The following ROBO1 variants were observed in gnomAD, a reference collection of about 807,000 sequenced individuals.
ROBO1 encodes roundabout guidance receptor 1.
In ROBO1, 149 loss-of-function variants were observed where a neutral mutation model predicts 195.9. That is an observed-to-expected ratio of 0.76 (90% confidence interval 0.67 to 0.87). ROBO1 has a LOEUF of 0.87. ROBO1 is among the 40% of genes least tolerant of loss of function. The pLI, the probability that ROBO1 is intolerant of heterozygous loss-of-function variation, is 0.00. For missense variants in ROBO1, 1,933 were observed against 2,068.3 expected (o/e 0.93, Z 1.27); for synonymous variants, 816 against 733.2 (o/e 1.11, Z -1.82).
chr3:79,327,030 A>T (rs2034241553), intron 2 of ROBO1, among the ~76,000 whole-genome samples: 1 of 152,162 alleles, frequency 6.6e-6, no homozygotes, highest in African/African-American at 2.4e-5. Context: ...TATGATGCTC[A>T]ATTGAGTTCA....
intron 3 of ROBO1, among the ~76,000 whole-genome samples, chr3:79,069,587 C>G (rs541773174): frequency 4.6e-5 from 7 of 151,998 alleles, no homozygotes; most frequent in African/African-American, 1.7e-4. Context: ...TAAAATTTGG[C>G]CTACGCCTAC....
At chr3:79,019,391 C>A in intron 3 of ROBO1, 1 of 986,084 alleles carries the variant, frequency 1.0e-6, no homozygotes, top group Non-Finnish European at 1.2e-6. Flanking sequence ...CCGCGGCTCA[C>A]CCCAGCTCCT....
intron 2 of ROBO1, among the ~76,000 whole-genome samples, chr3:79,143,539 CAT>C (rs1349722608): frequency 1.3e-5 from 2 of 152,026 alleles, no homozygotes; most frequent in African/African-American, 2.4e-5. Context: ...GCATCAATCA[CAT>C]GTGTATTTAA....
At chr3:79,496,387 C>CCTTTTTTTTTTTTTTTTTTTTTTTTTTTT (rs145186389) in intron 2 of ROBO1, among the ~76,000 whole-genome samples, 1 of 112,788 alleles carries the variant, frequency 8.9e-6, no homozygotes, top group Admixed American at 9.2e-5. Context: ...GCGCACCCAT[C>CCTTTTTTTTTTTTTTTTTTTTTTTTTTTT]TTTTTTTGAG....
intron 4 of ROBO1, among the ~76,000 whole-genome samples, chr3:78,883,264 A>G (rs945160245): frequency 6.6e-6 from 1 of 151,648 alleles, no homozygotes; most frequent in Non-Finnish European, 1.5e-5. Context: ...AAAGTTATGT[A>G]GGTGGCACAG....
chr3:79,397,218 GTATA>G (rs758086563), intron 2 of ROBO1, among the ~76,000 whole-genome samples: 1 of 150,262 alleles, frequency 6.7e-6, no homozygotes, highest in African/African-American at 2.4e-5. Context: ...AAATTAATAA[GTATA>G]TATATACACT....
chr3:79,056,109 G>A (rs2078802647), intron 3 of ROBO1, among the ~76,000 whole-genome samples: 2 of 152,074 alleles, frequency 1.3e-5, no homozygotes, highest in Non-Finnish European at 2.9e-5. Context: ...GCCTCTCATA[G>A]TTATTGATCT....
intron 2 of ROBO1, among the ~76,000 whole-genome samples, chr3:79,220,679 T>C (rs1016322248): frequency 1.3e-5 from 2 of 151,972 alleles, no homozygotes; most frequent in African/African-American, 4.8e-5. Flanking sequence ...TGGGTGACTG[T>C]GTATCTTCAG....
intron 4 of ROBO1, among the ~76,000 whole-genome samples, chr3:78,846,678 T>C (rs2106811289): frequency 6.6e-6 from 1 of 152,278 alleles, no homozygotes; most frequent in African/African-American, 2.4e-5. Context: ...TTTTTTATAA[T>C]TGGTCTATAT....
In ROBO1 at chr3:79,518,952, T is replaced by C. The variant is rs188295269; in HGVS notation, c.88+70872A>G. ...GCCTCAGCCTCCCAAAGTCCTGGGATTACAGGTGTGAGCCATCACGCCTGG... is the reference window on the plus strand; with the variant it reads ...GCCTCAGCCTCCCAAAGTCCTGGGACTACAGGTGTGAGCCATCACGCCTGG... On this transcript the variant is annotated intron_variant, in intron 2 of 30. Coordinates refer to ENST00000464233, the MANE Select transcript of ROBO1 (RefSeq NM_002941.4). Among the ~76,000 whole-genome samples the C allele has an allele frequency of 2.6e-3, 390 of 152,176 alleles. 2 individuals carry two copies. The highest frequency in any genetic ancestry group is 4.6e-3 in the Non-Finnish European group (312 of 67,992).
intron 19 of ROBO1, among the ~76,000 whole-genome samples, chr3:78,649,446 G>T (rs185857049): frequency 6.6e-6 from 1 of 152,112 alleles, no homozygotes; most frequent in African/African-American, 2.4e-5. Context: ...GGTACCCAGC[G>T]AACTGGCAGA....
chr3:78,603,393 G>A (rs1703287778), intron 29 of ROBO1, among the ~76,000 whole-genome samples: 1 of 151,956 alleles, frequency 6.6e-6, no homozygotes, highest in African/African-American at 2.4e-5. Context: ...GGACTCTCAA[G>A]TATCATGGCA....
intron 1 of ROBO1, among the ~76,000 whole-genome samples, chr3:79,678,294 T>C (rs1284304607): frequency 8.6e-6 from 1 of 116,934 alleles, no homozygotes; most frequent in Non-Finnish European, 2.0e-5. Context: ...TATAAATCAC[T>C]ATATATATAT....
chr3:79,055,800 G>A lies in ROBO1; in HGVS notation c.172+69656C>T, dbSNP rs375485082. ...TAGGTTACCCTTTTTAATGGCGGCC[G>A]CTGCCATGCCTCCTGATCATATCCC... On this transcript the variant is annotated intron_variant, in intron 3 of 30. Coordinates refer to ENST00000464233, the MANE Select transcript of ROBO1 (RefSeq NM_002941.4). Among the ~76,000 whole-genome samples the A allele has an allele frequency of 4.3e-4, 65 of 152,168 alleles. 1 individual carries two copies. Among genetic ancestry groups the A allele is most frequent in the East Asian group, 3.7e-3 (19 of 5,140 alleles).
chr3:79,633,245 G>A lies in ROBO1; in HGVS notation c.-50-43284C>T, dbSNP rs543776138. 6.0e-5 allele frequency among the ~76,000 whole-genome samples: 9 copies of A among 150,120 alleles called. No homozygotes were observed. The South Asian group carries it at 1.1e-3, about 18-fold the overall frequency. On this transcript the variant is annotated intron_variant, in intron 1 of 30. Coordinates refer to ENST00000464233, the MANE Select transcript of ROBO1 (RefSeq NM_002941.4). ...AGGCTGGAGTGCAGTACATGATCAC[G>A]GTTCCCCAGTCTCAACCTCTTGGGC...
intron 5 of ROBO1, among the ~76,000 whole-genome samples, chr3:78,721,416 GTTTC>G (rs990339909): frequency 4.6e-5 from 7 of 152,148 alleles, no homozygotes; most frequent in African/African-American, 1.7e-4. Context: ...GTAGCTAGAT[GTTTC>G]TTTATTAGTT....
intron 2 of ROBO1, among the ~76,000 whole-genome samples, chr3:79,360,667 A>G (rs1488996240): frequency 6.6e-6 from 1 of 151,988 alleles, no homozygotes; most frequent in Non-Finnish European, 1.5e-5. Flanking sequence ...ACAACCTCAT[A>G]TAAGGTAGAT....
At chr3:78,624,303 T>G (rs576504516) in intron 26 of ROBO1, among the ~76,000 whole-genome samples, 1 of 152,308 alleles carries the variant, frequency 6.6e-6, no homozygotes, top group East Asian at 1.9e-4. Flanking sequence ...CAAAAATTTC[T>G]ATAGTAAACA....
intron 3 of ROBO1, among the ~76,000 whole-genome samples, chr3:79,095,111 TA>T (rs1485422880): frequency 6.6e-6 from 1 of 151,970 alleles, no homozygotes; most frequent in Admixed American, 6.6e-5. Flanking sequence ...TGAAAATTAA[TA>T]CTAACATTTT....
Sources: gnomAD v4.1 joint callset for allele counts (sites outside exome capture counted in the v4.1 genomes callset) on GRCh38, gnomAD v4.1.1 for gene constraint, MANE v1.5 for transcripts, NCBI Gene and HGNC (gene_info 2026-07-23, HGNC 2026-07-21) for gene names.